PPM1G: variants seen among roughly 807,000 people sequenced by gnomAD.
PPM1G encodes the protein protein phosphatase, Mg2+/Mn2+ dependent 1G.
In PPM1G, 12 loss-of-function variants were observed where a neutral mutation model predicts 59.4. The observed-to-expected ratio is 0.20, with a 90% CI of 0.13 to 0.33. The LOEUF (loss-of-function observed/expected upper bound fraction) is 0.33. Among genes scored for constraint, PPM1G ranks in the 10% least tolerant of loss-of-function variants. The probability of loss-of-function intolerance (pLI) is 1.00; values close to 1 mark genes in which losing one functional copy is unlikely to be tolerated. For synonymous variants in PPM1G, 245 were observed against 251.9 expected, an observed-to-expected ratio of 0.97 and a Z score of 0.26; for missense variants, 392 against 681.3, an observed-to-expected ratio of 0.58 and a Z score of 4.73.
intron 1 of PPM1G, among the ~76,000 whole-genome samples, chr2:27,402,923 T>TA (rs59358163): frequency 0.42 from 59,377 of 141,626 alleles, 12,683 homozygotes; most frequent in African/African-American, 0.5. Context: ...AAAAAAAACT[T>TA]AAAAAAAAAA....
intron 1 of PPM1G, among the ~76,000 whole-genome samples, chr2:27,405,454 T>G (rs1385556576): frequency 6.6e-6 from 1 of 151,780 alleles, no homozygotes; most frequent in African/African-American, 2.4e-5. Context: ...ACTGTGGTGG[T>G]TTTTTTGTTT....
At chr2:27,388,020 G>A (rs1011591359) in intron 1 of PPM1G, among the ~76,000 whole-genome samples, 5 of 151,796 alleles carry the variant, frequency 3.3e-5, no homozygotes, top group South Asian at 4.2e-4. Context: ...GAATGGTCTC[G>A]ATCTCCTGAT....
intron 1 of PPM1G, among the ~76,000 whole-genome samples, chr2:27,406,182 T>C (rs1380170494): frequency 2.0e-5 from 3 of 152,182 alleles, no homozygotes; most frequent in Non-Finnish European, 2.9e-5. Context: ...AGTGGTATGA[T>C]AACCTTACCT....
At chr2:27,397,852 G>C (rs1370794321) in intron 1 of PPM1G, among the ~76,000 whole-genome samples, 4 of 152,134 alleles carry the variant, frequency 2.6e-5, no homozygotes, top group Non-Finnish European at 5.9e-5. Flanking sequence ...CTGAGGGACA[G>C]AGCAAGACTG....
chr2:27,383,043 C>T lies in PPM1G; in HGVS notation c.1201+323G>A, dbSNP rs1469641781. Among the ~76,000 whole-genome samples the T allele has an allele frequency of 5.3e-5, 8 of 151,554 alleles. No homozygotes were observed. Among genetic ancestry groups the T allele is most frequent in the African/African-American group, 1.9e-4 (8 of 41,256 alleles). ...TAGAGATGGGGTTTCACCATGTTGG[C>T]CAGGCTGGCCTCGAACTCCTGACCT... On this transcript the variant is annotated intron_variant, in intron 7 of 9. Transcript: ENST00000344034. This position sits in a 1 kb window ranked among gnomAD's most constrained non-coding sequence, Gnocchi z 5.0.
At chr2:27,398,804 G>A (rs560867112) in intron 1 of PPM1G, among the ~76,000 whole-genome samples, 2 of 149,920 alleles carry the variant, frequency 1.3e-5, no homozygotes, top group East Asian at 3.9e-4. Context: ...CCTGGCAACA[G>A]AGCGAGACTC....
At chr2:27,399,726 G>A (rs959076133) in intron 1 of PPM1G, among the ~76,000 whole-genome samples, 1 of 152,150 alleles carries the variant, frequency 6.6e-6, no homozygotes, top group Non-Finnish European at 1.5e-5. Context: ...TATAAAAAAG[G>A]TGGATAAGTG....
chr2:27,391,275 C>T (rs965528835), intron 1 of PPM1G, among the ~76,000 whole-genome samples: 7 of 152,210 alleles, frequency 4.6e-5, no homozygotes, highest in Non-Finnish European at 7.3e-5. Context: ...ACTGTGCCTA[C>T]GCTAAATTAA....
In PPM1G at chr2:27,385,170, C is replaced by T; in HGVS notation, c.410-82G>A. On this transcript the variant is annotated intron_variant, in intron 4 of 9. Transcript: ENST00000344034. This position sits in a 1 kb window ranked among gnomAD's most constrained non-coding sequence, Gnocchi z 4.1. ...CCTCTCACTACCTCAACAGCCCTTG[C>T]AGCCTCTAACTTCCCCACAACCTCC... is the stretch of plus-strand genomic sequence containing the variant. 6.9e-7 allele frequency: 1 copy of T among 1,455,338 alleles called. No individual in the cohort carries two copies. Among genetic ancestry groups the T allele is most frequent in the South Asian group, 1.4e-5 (1 of 72,366 alleles). The allele number at this position is 1,455,338 out of a possible 1,614,324, so 90.2% of individuals were successfully genotyped here. A position where few individuals can be genotyped will look rare whatever the true frequency, so the allele number is the denominator to read the frequency against.
At chr2:27,407,619 T>A (rs138625899) in intron 1 of PPM1G, among the ~76,000 whole-genome samples, 267 of 152,270 alleles carry the variant, frequency 1.8e-3, no homozygotes, top group Non-Finnish European at 2.9e-3. Flanking sequence ...CTGTGTATGG[T>A]GGTGAAATAT....
In PPM1G at chr2:27,409,392, C is replaced by T. The variant is rs1663460761; in HGVS notation, c.31G>A (p.Val11Met). 2 of 1,537,948 alleles carry T rather than the reference C, an allele frequency of 1.3e-6. No homozygotes were observed. Among genetic ancestry groups the T allele is most frequent in the Non-Finnish European group, 1.8e-6 (2 of 1,141,816 alleles). The part of the protein sequence containing the change: MGAYLSQPNT[V>M]KCSGDGVGAP... ...CCGACCCCGTCCCCGGAGCACTTCA[C>T]CGTGTTGGGCTGGGAGAGGTAGGCA... is the stretch of plus-strand genomic sequence containing the variant. Residue 11 changes from valine to methionine, a missense_variant, in exon 1 of 10, where the codon GTG (valine) becomes ATG (methionine). Coordinates refer to ENST00000344034, the MANE Select transcript of PPM1G (RefSeq NM_177983.3).
Position 27,385,200 on chromosome 2 carries a change from C to T in PPM1G, c.410-112G>A. On this transcript the variant is annotated intron_variant, in intron 4 of 9. Transcript: ENST00000344034. The surrounding 1 kb of genome is among the most constrained non-coding windows in gnomAD (Gnocchi z 4.1). ...TCTAACTTCCCCACAACCTCCCACT[C>T]CCAAGGTTCCTCTCGCTCAAGTCTC... 3.3e-6 allele frequency: 4 copies of T among 1,209,396 alleles called. No individual in the cohort carries two copies. Among genetic ancestry groups the T allele is most frequent in the Non-Finnish European group, 4.5e-6 (4 of 883,634 alleles). 74.9% of individuals were successfully genotyped at this position (1,209,396 alleles called of 1,614,324 possible). A position where few individuals can be genotyped will look rare whatever the true frequency, so the allele number is the denominator to read the frequency against.
At chr2:27,408,438 A>T (rs775972113) in intron 1 of PPM1G, among the ~76,000 whole-genome samples, 12 of 152,258 alleles carry the variant, frequency 7.9e-5, no homozygotes, top group Non-Finnish European at 1.2e-4. Flanking sequence ...TTTCACATCA[A>T]GTTTTACCTA....
chr2:27,397,651 T>C (rs938560891), intron 1 of PPM1G, among the ~76,000 whole-genome samples: 1 of 152,130 alleles, frequency 6.6e-6, no homozygotes. Flanking sequence ...TCATTAATGA[T>C]AAAAAGACTC....
chr2:27,408,035 G>A (rs768391071), intron 1 of PPM1G, among the ~76,000 whole-genome samples: 2 of 148,592 alleles, frequency 1.3e-5, no homozygotes, highest in Non-Finnish European at 3.0e-5. Flanking sequence ...CAACAAGAGC[G>A]AAATTCTGTC....
chr2:27,384,811 C>T lies in PPM1G; in HGVS notation c.687G>A (p.Glu229=). The T allele has an allele frequency of 6.2e-7, 1 of 1,614,244 alleles. No individual in the cohort carries two copies. The highest frequency in any genetic ancestry group is 2.2e-5 in the East Asian group (1 of 44,888). The change falls in exon 5 of 10, where the codon GAG becomes GAA. Residue 229 remains glutamate (E), a synonymous_variant. Transcript: ENST00000344034. The surrounding 1 kb of genome is among the most constrained non-coding windows in gnomAD (Gnocchi z 4.8). The stretch of plus-strand genomic sequence containing the variant: ...CAGCCTCACCAGTGGGAATGCCAGG[C>T]TCACCAACTTGGCCTGCCTCAGTCC... ...ERGTEAGQVG[E]PGIPTGEAGP...
At chr2:27,408,843 ACTC>A (rs948094290) in intron 1 of PPM1G, among the ~76,000 whole-genome samples, 3 of 152,224 alleles carry the variant, frequency 2.0e-5, no homozygotes, top group African/African-American at 7.2e-5. Context: ...TCACTGTCAA[ACTC>A]CTAGCCAAAA....
chr2:27,398,081 AAAAC>A (rs1188910022), intron 1 of PPM1G, among the ~76,000 whole-genome samples: 1 of 152,206 alleles, frequency 6.6e-6, no homozygotes, highest in African/African-American at 2.4e-5. Context: ...ATTTAGATGA[AAAAC>A]AAATTTTAAA....
chr2:27,402,911 C>CA (rs555918393), intron 1 of PPM1G, among the ~76,000 whole-genome samples: 48 of 123,406 alleles, frequency 3.9e-4, no homozygotes, highest in South Asian at 1.9e-3. Context: ...CCTATCTCTA[C>CA]AAAAAAAAAC....
Sources: allele counts gnomAD v4.1 joint callset (sites outside exome capture counted in the v4.1 genomes callset), GRCh38; gene constraint gnomAD v4.1.1; non-coding constraint Gnocchi (gnomAD v3.1); transcripts MANE v1.5; gene names NCBI Gene and HGNC (gene_info 2026-07-23, HGNC 2026-07-21).